ABTB2: variants seen among roughly 807,000 people sequenced by gnomAD.
The protein encoded by ABTB2 is ankyrin repeat and BTB domain containing 2.
ABTB2 carries 56 observed loss-of-function variants against 104.1 expected under a neutral mutation model. The ratio of observed to expected loss-of-function variants is 0.54; its 90% CI spans 0.43 to 0.67. ABTB2 has a LOEUF of 0.67. Ranked by LOEUF, ABTB2 falls within the 30% of genes least tolerant of loss-of-function variation. ABTB2 has a pLI of 0.00. For missense variants in ABTB2, 1,279 were observed against 1,407.7 expected, an observed-to-expected ratio of 0.91 and a Z score of 1.46; for synonymous variants, 606 against 608.2, an observed-to-expected ratio of 1.00 and a Z score of 0.05.
intron 1 of ABTB2, among the ~76,000 whole-genome samples, chr11:34,307,410 A>G (rs1355462108): frequency 6.6e-6 from 1 of 152,214 alleles, no homozygotes; most frequent in East Asian, 1.9e-4. Flanking sequence ...AACCTGTATT[A>G]CCACTACATC....
chr11:34,289,684 T>C (rs2133091950), intron 1 of ABTB2, among the ~76,000 whole-genome samples: 1 of 152,202 alleles, frequency 6.6e-6, no homozygotes, highest in Non-Finnish European at 1.5e-5. Context: ...CCCATCCAAA[T>C]GGCTTCTTCT....
At chr11:34,205,063 G>A (rs2957504) in intron 1 of ABTB2, among the ~76,000 whole-genome samples, 145,806 of 152,128 alleles carry the variant, frequency 0.96, 70,189 homozygotes, top group East Asian at 1. Context: ...TCATTCACTC[G>A]CTCGTTGAAT....
At chr11:34,169,063 A>G (rs1308021644) in intron 5 of ABTB2, among the ~76,000 whole-genome samples, 2 of 152,250 alleles carry the variant, frequency 1.3e-5, no homozygotes, top group Non-Finnish European at 2.9e-5. Flanking sequence ...TTCTATAAAT[A>G]CTAAGGTTTA....
chr11:34,335,804 G>C, intron 1 of ABTB2: 1 of 1,356,060 alleles, frequency 7.4e-7, no homozygotes, highest in Non-Finnish European at 1.1e-6. Flanking sequence ...CTCTGATCTT[G>C]AGGTCCAAAC....
intron 14 of ABTB2, among the ~76,000 whole-genome samples, chr11:34,156,883 C>A (rs1382141278): frequency 1.3e-5 from 2 of 152,126 alleles, no homozygotes; most frequent in Non-Finnish European, 2.9e-5. Flanking sequence ...ACTGTAAGTT[C>A]AAAAATATTA....
intron 16 of ABTB2, among the ~76,000 whole-genome samples, chr11:34,153,417 A>T (rs917258933): frequency 6.6e-6 from 1 of 152,140 alleles, no homozygotes; most frequent in Non-Finnish European, 1.5e-5. Flanking sequence ...CTCTTGCCCA[A>T]GCTGGAGTGC....
At chr11:34,209,909 T>C (rs1853460792) in intron 1 of ABTB2, among the ~76,000 whole-genome samples, 1 of 150,360 alleles carries the variant, frequency 6.7e-6, no homozygotes, top group Non-Finnish European at 1.5e-5. Context: ...GGTAGGGGTA[T>C]GGGTGGAACT....
At chr11:34,234,819 T>A (rs2926459) in intron 1 of ABTB2, among the ~76,000 whole-genome samples, 212 of 152,286 alleles carry the variant, frequency 1.4e-3, no homozygotes, top group African/African-American at 4.9e-3. Flanking sequence ...TTAGTTTCCC[T>A]GAAGCACTTA....
At chr11:34,275,165 G>A (rs1854369356) in intron 1 of ABTB2, among the ~76,000 whole-genome samples, 1 of 152,192 alleles carries the variant, frequency 6.6e-6, no homozygotes, top group Non-Finnish European at 1.5e-5. Flanking sequence ...GGAAACATCA[G>A]ATTCCATCAT....
At chr11:34,163,524 T>C (rs1441457621) in intron 9 of ABTB2, among the ~76,000 whole-genome samples, 1 of 152,186 alleles carries the variant, frequency 6.6e-6, no homozygotes, top group Non-Finnish European at 1.5e-5. Flanking sequence ...GACTTCTGGC[T>C]CCAAGACCCA....
intron 1 of ABTB2, among the ~76,000 whole-genome samples, chr11:34,207,153 GA>G (rs1220656531): frequency 6.6e-6 from 1 of 152,208 alleles, no homozygotes; most frequent in Non-Finnish European, 1.5e-5. Context: ...TGAAACCCAC[GA>G]CAGGCCAAAC....
intron 1 of ABTB2, among the ~76,000 whole-genome samples, chr11:34,267,417 T>C (rs1295300875): frequency 1.3e-5 from 2 of 152,112 alleles, no homozygotes; most frequent in Non-Finnish European, 2.9e-5. Context: ...ACGGCATCAC[T>C]CCCTGCCCCC....
intron 1 of ABTB2, among the ~76,000 whole-genome samples, chr11:34,263,264 G>A (rs1854209711): frequency 6.6e-6 from 1 of 151,994 alleles, no homozygotes; most frequent in Non-Finnish European, 1.5e-5. Context: ...CTTGCATGAG[G>A]GCCACACTCC....
At position 34,161,111 on chromosome 11, in the gene ABTB2, AC is replaced by A. The variant is rs755868794; in HGVS notation, c.2219-31del. 45 of 1,580,190 alleles carry A rather than the reference AC, an allele frequency of 2.8e-5. 1 individual carries two copies. The Admixed American group carries it at 6.7e-4, about 24-fold the overall frequency. On this transcript the variant is annotated intron_variant, in intron 10 of 16. Coordinates refer to ENST00000435224, the MANE Select transcript of ABTB2 (RefSeq NM_145804.3). The stretch of plus-strand genomic sequence containing the variant: ...TCCAGGCAGGGAAGGGCAGGCAGTC[AC>A]GCACCACAGCTGAGCGCTCCCGGCA...
intron 1 of ABTB2, among the ~76,000 whole-genome samples, chr11:34,229,962 A>G (rs930947185): frequency 1.3e-5 from 2 of 152,078 alleles, no homozygotes; most frequent in Non-Finnish European, 2.9e-5. Context: ...CCACTTTCCT[A>G]TGGCTTTTCT....
chr11:34,160,762 T>G, intron 11 of ABTB2, 141 bp downstream of exon 11: 1 of 821,566 alleles, frequency 1.2e-6, no homozygotes, highest in Non-Finnish European at 1.8e-6. Context: ...CCCTGGGTGC[T>G]GAGGGCAGGC....
chr11:34,197,726 G>GT (rs1853280629), intron 2 of ABTB2, among the ~76,000 whole-genome samples, 188 bp from the exon 3 acceptor site: 1 of 152,138 alleles, frequency 6.6e-6, no homozygotes, highest in Non-Finnish European at 1.5e-5. Context: ...TAGCAATTTC[G>GT]TTTCCCTTTC....
At chr11:34,169,128 T>C (rs1483817360) in intron 5 of ABTB2, among the ~76,000 whole-genome samples, 1 of 152,142 alleles carries the variant, frequency 6.6e-6, no homozygotes, top group African/African-American at 2.4e-5. Flanking sequence ...GAATAAAAAT[T>C]TGGCTTTGTT....
chr11:34,297,278 T>G (rs1256982324), intron 1 of ABTB2, among the ~76,000 whole-genome samples: 1 of 152,192 alleles, frequency 6.6e-6, no homozygotes, highest in African/African-American at 2.4e-5. Context: ...TTGCTCTCTC[T>G]CTCTCCAGTC....
Sources: gnomAD v4.1 joint callset for allele counts (sites outside exome capture counted in the v4.1 genomes callset) on GRCh38, gnomAD v4.1.1 for gene constraint, MANE v1.5 for transcripts, NCBI Gene and HGNC (gene_info 2026-07-23, HGNC 2026-07-21) for gene names.